Variants in SMG6 observed in about 807,000 individuals in gnomAD.
SMG6 encodes the protein telomerase-binding protein EST1A.
A neutral mutation model predicts 142.2 loss-of-function variants in SMG6; 66 were observed. That is an observed-to-expected ratio of 0.46 (90% CI 0.38 to 0.57). The LOEUF is 0.57. Among genes scored for constraint, SMG6 ranks in the 20% least tolerant of loss-of-function variants. The pLI is 0.00. For missense variants in SMG6, 1,793 were observed against 1,832.0 expected (o/e 0.98, Z 0.39); for synonymous variants, 779 against 702.4 (o/e 1.11, Z -1.72).
At chr17:2,065,855 G>A (rs946300878) in intron 16 of SMG6, 176 bp from the exon 17 acceptor site, 3 of 609,470 alleles carry the variant, frequency 4.9e-6, no homozygotes, top group East Asian at 2.8e-5. Flanking sequence ...GAAGTGTCTC[G>A]AGATTTCACA....
Position 2,299,836 on chromosome 17 carries a change from T to C in SMG6, c.917A>G (p.Glu306Gly). 6.2e-7 allele frequency: 1 copy of C among 1,614,164 alleles called. No homozygotes were observed. Among genetic ancestry groups the C allele is most frequent in the Non-Finnish European group, 8.5e-7 (1 of 1,179,998 alleles). Residue 306 changes from glutamate (E) to glycine (G), a missense_variant, in exon 2 of 19, where the codon GAG (glutamate) becomes GGG (glycine). Coordinates refer to ENST00000263073, the MANE Select transcript of SMG6 (RefSeq NM_017575.5). The surrounding 1 kb of genome is among the most constrained non-coding windows in gnomAD (Gnocchi z 4.3). ...TCCATCAGGCTCATCAATTCTGTCCTCGTCTAAGGAATCGGTTGAGGACAC... is the reference window on the plus strand; with the variant it reads ...TCCATCAGGCTCATCAATTCTGTCCCCGTCTAAGGAATCGGTTGAGGACAC... ...VSVSSTDSLD[E>G]DRIDEPDGLG...
intron 6 of SMG6, among the ~76,000 whole-genome samples, chr17:2,286,841 T>C (rs2074915844): frequency 2.6e-5 from 4 of 152,018 alleles, no homozygotes; most frequent in Admixed American, 2.6e-4. Context: ...AGAAAATGTT[T>C]GCAAATTATG....
chr17:2,130,096 A>G (rs2070059183), intron 13 of SMG6, among the ~76,000 whole-genome samples: 1 of 150,772 alleles, frequency 6.6e-6, no homozygotes, highest in African/African-American at 2.4e-5. Flanking sequence ...CGTCTCTACT[A>G]AAAAATACAA....
At chr17:2,090,063 G>A (rs1164011079) in intron 13 of SMG6, among the ~76,000 whole-genome samples, 1 of 151,544 alleles carries the variant, frequency 6.6e-6, no homozygotes, top group African/African-American at 2.4e-5. Flanking sequence ...ACATGTGGTA[G>A]TCCCAGCTAC....
intron 13 of SMG6, among the ~76,000 whole-genome samples, chr17:2,107,295 T>G (rs1363259236): frequency 6.6e-6 from 1 of 152,196 alleles, no homozygotes; most frequent in African/African-American, 2.4e-5. Flanking sequence ...CACTAAGGAC[T>G]GAAACCATGA....
intron 12 of SMG6, among the ~76,000 whole-genome samples, chr17:2,177,819 C>T (rs1192055418): frequency 6.6e-6 from 1 of 152,152 alleles, no homozygotes; most frequent in Non-Finnish European, 1.5e-5. Flanking sequence ...AAAGAGGACA[C>T]CCATGTGGTA....
intron 10 of SMG6, among the ~76,000 whole-genome samples, chr17:2,190,877 G>GT (rs1433866311): frequency 6.6e-6 from 1 of 152,196 alleles, no homozygotes; most frequent in Admixed American, 6.5e-5. Context: ...GTATTAAGCA[G>GT]TAACTGTTCT....
intron 1 of SMG6, chr17:2,303,005 C>G: frequency 2.0e-6 from 2 of 985,480 alleles, no homozygotes; most frequent in Non-Finnish European, 2.4e-6. Flanking sequence ...CACTTAGAAT[C>G]TTTCTTACTT....
At chr17:2,269,442 A>T (rs2074499570) in intron 8 of SMG6, among the ~76,000 whole-genome samples, 1 of 133,154 alleles carries the variant, frequency 7.5e-6, no homozygotes, top group Admixed American at 8.3e-5. Flanking sequence ...CACTTTCAAA[A>T]CAAAAAACTA....
intron 8 of SMG6, among the ~76,000 whole-genome samples, chr17:2,252,178 C>G (rs2074061287): frequency 6.6e-6 from 1 of 152,118 alleles, no homozygotes; most frequent in African/African-American, 2.4e-5. Context: ...CTTTGGGAGG[C>G]TGAGGTGGGC....
intron 8 of SMG6, among the ~76,000 whole-genome samples, chr17:2,245,891 A>G (rs754735331): frequency 1.3e-5 from 2 of 151,748 alleles, no homozygotes; most frequent in Admixed American, 6.6e-5. Context: ...CGTTGCCCAG[A>G]CTGGTCTCAA....
chr17:2,127,484 C>A, intron 13 of SMG6: 1 of 753,668 alleles, frequency 1.3e-6, no homozygotes, highest in Non-Finnish European at 2.3e-6. Flanking sequence ...ATAGACCCTG[C>A]TAAATATTTA....
chr17:2,287,988 T>G (rs529651169), intron 6 of SMG6, among the ~76,000 whole-genome samples: 1 of 152,162 alleles, frequency 6.6e-6, no homozygotes, highest in African/African-American at 2.4e-5. Flanking sequence ...ACAATATGAA[T>G]GTACGTAATG....
At chr17:2,236,180 C>A in intron 10 of SMG6, 1 of 205,564 alleles carries the variant, frequency 4.9e-6, no homozygotes, top group Non-Finnish European at 9.8e-6. Flanking sequence ...GGGAGAGGCT[C>A]TGGGTCTGCA....
intron 10 of SMG6, among the ~76,000 whole-genome samples, chr17:2,194,593 A>T (rs144917674): frequency 0.01 from 1,541 of 152,198 alleles, 31 homozygotes; most frequent in African/African-American, 0.034. Context: ...TACGCCTGTA[A>T]TCCCAGCACT....
At chr17:2,163,369 G>A (rs1403065415) in intron 13 of SMG6, among the ~76,000 whole-genome samples, 1 of 150,538 alleles carries the variant, frequency 6.6e-6, no homozygotes, top group Non-Finnish European at 1.5e-5. Flanking sequence ...TAAATTTTTA[G>A]TAGAGATGCT....
At position 2,219,446 on chromosome 17, in the gene SMG6, G is replaced by C. The variant is rs375222025; in HGVS notation, c.2869+17046C>G. 2.0e-5 allele frequency among the ~76,000 whole-genome samples: 3 copies of C among 151,792 alleles called. 1 individual carries two copies. In the South Asian group the frequency reaches 6.3e-4, roughly 32 times the overall value. ...AATGTCTACAGGAAGGTGGTTGCTG[G>C]ACATTCTCAAACACTGCTAAGAGTG... On this transcript the variant is annotated intron_variant, in intron 10 of 18. Transcript: ENST00000263073.
chr17:2,157,673 G>C (rs2071048899), intron 13 of SMG6, among the ~76,000 whole-genome samples: 1 of 152,184 alleles, frequency 6.6e-6, no homozygotes, highest in African/African-American at 2.4e-5. Flanking sequence ...CATGCTTTCA[G>C]CTTAAAGTTA....
intron 8 of SMG6, among the ~76,000 whole-genome samples, chr17:2,273,564 C>T (rs1364561540): frequency 2.0e-5 from 3 of 152,128 alleles, no homozygotes; most frequent in African/African-American, 7.2e-5. Context: ...ACCGGGGAGG[C>T]GGAAGTTGCA....
Sources: gnomAD v4.1 joint callset for allele counts (sites outside exome capture counted in the v4.1 genomes callset) on GRCh38, gnomAD v4.1.1 for gene constraint, Gnocchi (gnomAD v3.1) non-coding constraint, MANE v1.5 for transcripts, NCBI Gene and HGNC (gene_info 2026-07-23, HGNC 2026-07-21) for gene names.